GDF6: variants seen among roughly 807,000 people sequenced by gnomAD.
GDF6 encodes growth/differentiation factor 6.
GDF6 carries 3 observed loss-of-function variants against 32.4 expected under a neutral mutation model. The ratio of observed to expected loss-of-function variants is 0.09; its 90% confidence interval spans 0.04 to 0.24. The LOEUF is 0.24. GDF6 is among the 10% of genes least tolerant of loss of function. The pLI, the probability that GDF6 is intolerant of heterozygous loss-of-function variation, is 1.00. For synonymous variants in GDF6, 296 were observed against 295.3 expected (o/e 1.00, Z -0.03); for missense variants, 589 against 637.9 (o/e 0.92, Z 0.83).
Position 96,145,200 on chromosome 8 carries a change from T to C in GDF6, c.731A>G (p.Glu244Gly). 1 of 1,500,030 alleles carries C rather than the reference T, an allele frequency of 6.7e-7. No individual in the cohort carries two copies. Among genetic ancestry groups the C allele is most frequent in the Non-Finnish European group, 8.8e-7 (1 of 1,132,330 alleles). The allele number at this position is 1,500,030 out of a possible 1,614,324, so 92.9% of individuals were successfully genotyped here. The change falls in exon 2 of 2, where the codon GAG (glutamate) becomes GGG (glycine). Residue 244 changes from glutamate to glycine, a missense_variant. This residue lies in a region of GDF6 where 436 missense variants were observed against 411.2 expected (regional missense o/e 1.06). Transcript: ENST00000287020. The surrounding 1 kb of genome is among the most constrained non-coding windows in gnomAD (Gnocchi z 5.6). The part of the protein sequence containing the change: ...RAAWGELDAG[E>G]AEARARGPQQ... ...GGGTCCCCGCGCGCGCGCCTCGGCCTCCCCGGCGTCCAGCTCGCCCCATGC... is the reference window on the plus strand; with the variant it reads ...GGGTCCCCGCGCGCGCGCCTCGGCCCCCCCGGCGTCCAGCTCGCCCCATGC...
At chr8:96,151,029 T>C (rs948591141) in intron 1 of GDF6, among the ~76,000 whole-genome samples, 3 of 151,958 alleles carry the variant, frequency 2.0e-5, no homozygotes, top group Admixed American at 6.5e-5. Flanking sequence ...CCTCCTGGAG[T>C]GTGAAGGGCT....
rs1812457164 is a variant in GDF6 at position 96,145,261 on chromosome 8, G to C, written c.670C>G (p.Gln224Glu). The change falls in exon 2 of 2, where the codon CAG (glutamine) becomes GAG (glutamate). Residue 224 changes from glutamine to glutamate, a missense_variant. By Grantham distance (29) the Gln-to-Glu change is conservative (BLOSUM62 2). This residue lies in a region of GDF6 where 436 missense variants were observed against 411.2 expected (regional missense o/e 1.06). Transcript: ENST00000287020. The surrounding 1 kb of genome is among the most constrained non-coding windows in gnomAD (Gnocchi z 5.6). ...VFDVWQGLRHQPWKQLCLELR... is the reference protein window; with the variant it reads ...VFDVWQGLRHEPWKQLCLELR... ...TCCAAGCACAGCTGCTTCCAGGGCT[G>C]GTGGCGCAGGCCCTGCCACACGTCG... 31 of 1,526,322 alleles carry C rather than the reference G, an allele frequency of 2.0e-5. No individual in the cohort carries two copies. Among genetic ancestry groups the C allele is most frequent in the Non-Finnish European group, 2.7e-5 (31 of 1,142,516 alleles). 94.5% of individuals were successfully genotyped at this position (1,526,322 alleles called of 1,614,324 possible).
At chr8:96,159,200 T>C (rs751021239) in intron 1 of GDF6, among the ~76,000 whole-genome samples, 1 of 152,210 alleles carries the variant, frequency 6.6e-6, no homozygotes, top group Non-Finnish European at 1.5e-5. Flanking sequence ...TTTTATCCCG[T>C]CATTTTCTTC....
At chr8:96,150,105 A>T (rs1334383010) in intron 1 of GDF6, among the ~76,000 whole-genome samples, 3 of 152,162 alleles carry the variant, frequency 2.0e-5, no homozygotes, top group Admixed American at 6.5e-5. Flanking sequence ...GTCCCTTTTG[A>T]AAGTCCTAGT....
intron 1 of GDF6, among the ~76,000 whole-genome samples, chr8:96,147,999 T>C (rs150016858): frequency 3.4e-4 from 51 of 152,190 alleles, no homozygotes; most frequent in African/African-American, 1.1e-3. Context: ...TTTTTACTCT[T>C]TTAAAAAAAA....
intron 1 of GDF6, among the ~76,000 whole-genome samples, chr8:96,147,618 G>C (rs1812506589): frequency 1.3e-5 from 2 of 152,222 alleles, no homozygotes; most frequent in African/African-American, 4.8e-5. Context: ...GAAAACCAAG[G>C]ATTGGAGAAA....
Position 96,142,945 on chromosome 8 carries a change from T to C in GDF6, c.*1618A>G, listed in dbSNP as rs1812397287. 6.6e-6 allele frequency: 1 copy of C among 152,230 alleles called. No homozygotes were observed. The highest frequency in any genetic ancestry group is 1.5e-5 in the Non-Finnish European group (1 of 68,044). 9.4% of individuals were successfully genotyped at this position (152,230 alleles called of 1,614,324 possible). A position where few individuals can be genotyped will look rare whatever the true frequency, so the allele number is the denominator to read the frequency against. Reference sequence around the variant, plus strand: ...TTTTAAAAGGCTGGTACAAATTCCATTGATTAAACAATTTTATAGTCAAAG... The same window carrying C: ...TTTTAAAAGGCTGGTACAAATTCCACTGATTAAACAATTTTATAGTCAAAG... On this transcript the variant is annotated 3_prime_UTR_variant, in exon 2 of 2. Coordinates refer to ENST00000287020, the MANE Select transcript of GDF6 (RefSeq NM_001001557.4).
In GDF6 at chr8:96,144,297, G is replaced by C; in HGVS notation, c.*266C>G. 3.2e-5 allele frequency: 10 copies of C among 307,888 alleles called. No homozygotes were observed. Among genetic ancestry groups the C allele is most frequent in the African/African-American group, 7.2e-5 (2 of 27,872 alleles). The allele number at this position is 307,888 out of a possible 1,614,324, so 19.1% of individuals were successfully genotyped here. ...GAGAGAGAGAGAGAGAGAGAAAACA[G>C]AACAAAAGAAATCCTCCTTGGCTTG... On this transcript the variant is annotated 3_prime_UTR_variant, in exon 2 of 2. Coordinates refer to ENST00000287020, the MANE Select transcript of GDF6 (RefSeq NM_001001557.4). This position sits in a 1 kb window ranked among gnomAD's most constrained non-coding sequence, Gnocchi z 5.1.
chr8:96,153,781 T>C (rs975205659), intron 1 of GDF6, among the ~76,000 whole-genome samples: 6 of 151,914 alleles, frequency 3.9e-5, no homozygotes, highest in Admixed American at 3.9e-4. Flanking sequence ...GCGGGGAGGA[T>C]ATTGGACTCA....
intron 1 of GDF6, among the ~76,000 whole-genome samples, chr8:96,149,842 G>A (rs1812537784): frequency 6.6e-6 from 1 of 151,910 alleles, no homozygotes; most frequent in Admixed American, 6.5e-5. Flanking sequence ...TGCCCGCAAC[G>A]CCAAAGGCCA....
chr8:96,152,876 TAG>T (rs1434235006), intron 1 of GDF6, among the ~76,000 whole-genome samples: 1 of 152,178 alleles, frequency 6.6e-6, no homozygotes, highest in Non-Finnish European at 1.5e-5. Context: ...CTGGGCCTTG[TAG>T]ACTCCACAAG....
At chr8:96,157,246 T>C (rs1176244725) in intron 1 of GDF6, among the ~76,000 whole-genome samples, 1 of 152,116 alleles carries the variant, frequency 6.6e-6, no homozygotes, top group Non-Finnish European at 1.5e-5. Flanking sequence ...TAAGTTCTCC[T>C]CCTGGAGGAT....
In GDF6 at chr8:96,143,226, A is replaced by C. The variant is rs1812402437; in HGVS notation, c.*1337T>G. 1 of 152,648 alleles carries C rather than the reference A, an allele frequency of 6.6e-6. No individual in the cohort carries two copies. 9.5% of individuals were successfully genotyped at this position (152,648 alleles called of 1,614,324 possible). On this transcript the variant is annotated 3_prime_UTR_variant, in exon 2 of 2. Coordinates refer to ENST00000287020, the MANE Select transcript of GDF6 (RefSeq NM_001001557.4). ...ACAGTTTCTCATTACTAAGTTTTAA[A>C]AACATTGCCTAACTGATAATTACAA...
intron 1 of GDF6, 76 bp downstream of exon 1, chr8:96,160,211 T>C (rs1812736527): frequency 8.5e-6 from 12 of 1,414,462 alleles, no homozygotes; most frequent in African/African-American, 2.8e-5. Flanking sequence ...TTCACAAATG[T>C]AGCCTCCAGC....
chr8:96,153,315 C>A (rs982647786), intron 1 of GDF6, among the ~76,000 whole-genome samples: 1 of 152,244 alleles, frequency 6.6e-6, no homozygotes, highest in Non-Finnish European at 1.5e-5. Context: ...ATCAAGGGCA[C>A]TTCACTGTGC....
chr8:96,156,830 T>C (rs1812673303), intron 1 of GDF6, among the ~76,000 whole-genome samples: 1 of 152,180 alleles, frequency 6.6e-6, no homozygotes, highest in Non-Finnish European at 1.5e-5. Context: ...CAGACAAATA[T>C]TAGACTGGGG....
chr8:96,145,625 G>T lies in GDF6; in HGVS notation c.407-101C>A. ...AGGAAAAGGGCGGGGAGTGGGGGCA[G>T]GTCGGCCGGGCAGTCCAGCTTGCCC... On this transcript the variant is annotated intron_variant, in intron 1 of 1. Transcript: ENST00000287020. The surrounding 1 kb of genome is among the most constrained non-coding windows in gnomAD (Gnocchi z 5.6). The T allele has an allele frequency of 6.9e-7, 1 of 1,440,716 alleles. No homozygotes were observed. The highest frequency in any genetic ancestry group is 9.5e-7 in the Non-Finnish European group (1 of 1,048,862). The allele number at this position is 1,440,716 out of a possible 1,614,324, so 89.2% of individuals were successfully genotyped here.
intron 1 of GDF6, among the ~76,000 whole-genome samples, chr8:96,158,338 G>A (rs1420916713): frequency 1.3e-5 from 2 of 152,202 alleles, no homozygotes; most frequent in Non-Finnish European, 2.9e-5. Flanking sequence ...AGGCTACAGG[G>A]CAAACCAGGG....
intron 1 of GDF6, among the ~76,000 whole-genome samples, chr8:96,160,007 C>A (rs973417079): frequency 2.0e-5 from 3 of 152,158 alleles, no homozygotes; most frequent in African/African-American, 7.2e-5. Flanking sequence ...CCCCACCAGC[C>A]ACCAACAAGC....
Sources: allele counts gnomAD v4.1 joint callset (sites outside exome capture counted in the v4.1 genomes callset), GRCh38; gene constraint gnomAD v4.1.1; regional missense constraint gnomAD v4.1.1; non-coding constraint Gnocchi (gnomAD v3.1); transcripts MANE v1.5; gene names NCBI Gene and HGNC (gene_info 2026-07-23, HGNC 2026-07-21).